ASB15: variants seen among roughly 807,000 people sequenced by gnomAD.
The protein encoded by ASB15 is ankyrin repeat and SOCS box containing 15, also known as ankyrin repeat and SOCS box protein 15.
A neutral mutation model predicts 58.0 loss-of-function variants in ASB15; 54 were observed. The ratio of observed to expected loss-of-function variants is 0.93; its 90% confidence interval spans 0.75 to 1.17. The LOEUF (loss-of-function observed/expected upper bound fraction) is 1.17. ASB15 is among the 50% of genes most tolerant of loss of function. ASB15 has a pLI of 0.00. For missense variants in ASB15, 680 were observed against 707.4 expected (o/e 0.96, Z 0.44); for synonymous variants, 249 against 262.4 (o/e 0.95, Z 0.50).
At chr7:123,608,940 T>A (rs1584766812) in intron 3 of ASB15, 1 of 147,384 alleles carries the variant, frequency 6.8e-6, no homozygotes, top group Admixed American at 6.8e-5. Context: ...TATTGTTTGG[T>A]ATATAACAAC....
At chr7:123,595,115 G>A (rs1297860686) in intron 1 of ASB15, among the ~76,000 whole-genome samples, 1 of 152,226 alleles carries the variant, frequency 6.6e-6, no homozygotes, top group Non-Finnish European at 1.5e-5. Flanking sequence ...GCTGAGCCAG[G>A]CATGGGAGGC....
At chr7:123,600,662 T>C (rs1206534011), upstream of ASB15, among the ~76,000 whole-genome samples, 1 of 152,206 alleles carries the variant, frequency 6.6e-6, no homozygotes, top group Non-Finnish European at 1.5e-5. Context: ...ACACAGTTAA[T>C]AGTGGTTTAA....
At chr7:123,575,880 T>A (rs1206096866) in intron 1 of ASB15, among the ~76,000 whole-genome samples, 3 of 151,032 alleles carry the variant, frequency 2.0e-5, no homozygotes, top group Admixed American at 2.0e-4. Flanking sequence ...AATTTTTGGT[T>A]ACTTTTCCCT....
intron 1 of ASB15, among the ~76,000 whole-genome samples, chr7:123,593,026 G>A (rs1010210679): frequency 2.0e-5 from 3 of 151,698 alleles, no homozygotes; most frequent in East Asian, 3.9e-4. Flanking sequence ...ATTATGTAAT[G>A]GTTTTCTTTG....
intron 8 of ASB15, among the ~76,000 whole-genome samples, chr7:123,626,372 T>G (rs1801775091): frequency 1.3e-5 from 2 of 152,232 alleles, no homozygotes; most frequent in African/African-American, 4.8e-5. Flanking sequence ...CTCAGGAGAC[T>G]GAGGCAGAAG....
intron 1 of ASB15, among the ~76,000 whole-genome samples, chr7:123,571,866 G>GTGATCATCCTGTTTCAGCCTCC (rs1798916102): frequency 6.6e-6 from 1 of 152,116 alleles, no homozygotes; most frequent in Non-Finnish European, 1.5e-5. Flanking sequence ...CTGGGCCCGA[G>GTGATCATCCTGTTTCAGCCTCC]TGATCCTCCT....
upstream of ASB15, among the ~76,000 whole-genome samples, chr7:123,601,626 G>C (rs1398185886): frequency 6.6e-6 from 1 of 152,132 alleles, no homozygotes; most frequent in African/African-American, 2.4e-5. Flanking sequence ...GAATTGGCAG[G>C]TCCTTTGTTT....
In ASB15 at chr7:123,630,017, A is replaced by G. The variant is rs1263440164; in HGVS notation, c.1492A>G (p.Thr498Ala). ...PWMKHLVGRV[T>A]RVLIDYMDYV... is the part of the protein sequence containing the mutation. The stretch of plus-strand genomic sequence containing the variant: ...GATGAAGCACTTGGTAGGCAGAGTT[A>G]CTCGTGTACTAATAGATTACATGGA... Residue 498 changes from threonine (T) to alanine (A), a missense_variant, in exon 11 of 12, where the codon ACT becomes GCT. Transcript: ENST00000451215. 1 of 1,601,656 alleles carries G rather than the reference A, an allele frequency of 6.2e-7. No individual in the cohort carries two copies. The highest frequency in any genetic ancestry group is 8.5e-7 in the Non-Finnish European group (1 of 1,169,898).
At chr7:123,628,627 T>C (rs1220771000) in intron 9 of ASB15, among the ~76,000 whole-genome samples, 1 of 152,190 alleles carries the variant, frequency 6.6e-6, no homozygotes, top group East Asian at 1.9e-4. Flanking sequence ...AAAAAACATA[T>C]AAGATGCAGT....
intron 1 of ASB15, among the ~76,000 whole-genome samples, chr7:123,579,998 T>A (rs1466028816): frequency 6.6e-6 from 1 of 151,952 alleles, no homozygotes; most frequent in East Asian, 1.9e-4. Flanking sequence ...GTAACAAAGG[T>A]ACATAAATAA....
chr7:123,591,671 C>CT (rs887623627), intron 1 of ASB15, among the ~76,000 whole-genome samples: 3 of 152,074 alleles, frequency 2.0e-5, no homozygotes, highest in African/African-American at 7.2e-5. Context: ...GGTGGATATG[C>CT]TTTTTGACGT....
rs569408742 is a variant in ASB15, at chr7:123,581,031, G to T, written c.-443+13943G>T. Among the ~76,000 whole-genome samples, 82 of 152,044 alleles carry T rather than the reference G, an allele frequency of 5.4e-4. 1 individual carries two copies. In the Middle Eastern group the frequency reaches 0.014, roughly 25 times the overall value. On this transcript the variant is annotated intron_variant, in intron 1 of 13. Coordinates refer to the ASB15 transcript ENST00000451558. ...TGTGACTCTCCTTCCACTAGATGGT[G>T]CTGGCTTTCTTCAGCTTGTTGCAGT...
intron 2 of ASB15, among the ~76,000 whole-genome samples, chr7:123,606,219 A>G (rs1198910488): frequency 6.6e-6 from 1 of 152,196 alleles, no homozygotes; most frequent in Non-Finnish European, 1.5e-5. Flanking sequence ...ACAATAACTT[A>G]GGTAATGAAG....
intron 1 of ASB15, among the ~76,000 whole-genome samples, chr7:123,576,845 G>T (rs949431356): frequency 2.0e-5 from 3 of 152,064 alleles, no homozygotes; most frequent in East Asian, 3.9e-4. Context: ...TGCATTTCTT[G>T]CAGGGTCTGC....
At chr7:123,575,586 A>G (rs143766341) in intron 1 of ASB15, among the ~76,000 whole-genome samples, 2,078 of 152,098 alleles carry the variant, frequency 0.014, 21 homozygotes, top group Middle Eastern at 0.027. Context: ...AATATTTTCA[A>G]TGTTCCCTAC....
intron 2 of ASB15, among the ~76,000 whole-genome samples, chr7:123,605,187 A>T (rs1446792090): frequency 6.6e-6 from 1 of 152,180 alleles, no homozygotes; most frequent in Non-Finnish European, 1.5e-5. Context: ...ATATGCATAT[A>T]TATTTGTATA....
intron 1 of ASB15, among the ~76,000 whole-genome samples, chr7:123,591,213 A>AT (rs1477709930): frequency 6.6e-6 from 1 of 151,992 alleles, no homozygotes; most frequent in Non-Finnish European, 1.5e-5. Flanking sequence ...AGACAATGGG[A>AT]TTTTCTAAAT....
intron 4 of ASB15, among the ~76,000 whole-genome samples, chr7:123,615,016 T>C (rs1800707769): frequency 6.6e-6 from 1 of 152,194 alleles, no homozygotes; most frequent in African/African-American, 2.4e-5. Flanking sequence ...TAACCCTTTA[T>C]AGGTAACGTA....
At chr7:123,610,672 T>C (rs1205533615) in intron 3 of ASB15, among the ~76,000 whole-genome samples, 1 of 152,180 alleles carries the variant, frequency 6.6e-6, no homozygotes, top group Non-Finnish European at 1.5e-5. Flanking sequence ...ATAGCTTTTA[T>C]CAAATGTTTT....
Sources: allele counts gnomAD v4.1 joint callset (sites outside exome capture counted in the v4.1 genomes callset), GRCh38; gene constraint gnomAD v4.1.1; transcripts MANE v1.5; gene names NCBI Gene and HGNC (gene_info 2026-07-23, HGNC 2026-07-21).